Variants in C2CD5 observed in about 807,000 individuals in gnomAD.
C2CD5 encodes the protein C2 domain-containing protein 5.
In C2CD5, 109 loss-of-function variants were observed where a neutral mutation model predicts 130.3. The observed-to-expected ratio is 0.84, with a 90% CI of 0.72 to 0.98. C2CD5 has a LOEUF of 0.98. Ranked by LOEUF, C2CD5 falls within the 50% of genes least tolerant of loss-of-function variation. C2CD5 has a pLI of 0.00. For synonymous variants in C2CD5, 454 were observed against 429.2 expected, an observed-to-expected ratio of 1.06 and a Z score of -0.71; for missense variants, 996 against 1,261.8, an observed-to-expected ratio of 0.79 and a Z score of 3.19.
At chr12:22,543,919 C>G in intron 2 of C2CD5, 142 bp downstream of exon 2, 2 of 642,512 alleles carry the variant, frequency 3.1e-6, no homozygotes, top group African/African-American at 3.7e-5. Flanking sequence ...CGGCGGTCAT[C>G]CCTCGTGGGA....
intron 7 of C2CD5, chr12:22,518,959 A>G (rs998062810): frequency 1.7e-6 from 1 of 573,270 alleles, no homozygotes; most frequent in African/African-American, 1.9e-5. Context: ...TGTGGCAGCT[A>G]AATACAGAAG....
rs142918592 is a variant in C2CD5 at position 22,517,005 on chromosome 12, G to A, written c.952+981C>T. Among the ~76,000 whole-genome samples the A allele has an allele frequency of 1.8e-3, 280 of 151,830 alleles. 1 individual carries two copies. In the East Asian group the frequency reaches 0.028, roughly 15 times the overall value. Reference sequence around the variant, plus strand: ...GTTTATAATTATCTTTATATTTTACGACTTCATTTATAAAAACAGAAATTA... The same window carrying A: ...GTTTATAATTATCTTTATATTTTACAACTTCATTTATAAAAACAGAAATTA... On this transcript the variant is annotated intron_variant, in intron 8 of 26. Transcript: ENST00000446597.
At chr12:22,460,414 T>C (rs772511043) in intron 22 of C2CD5, 7 of 152,166 alleles carry the variant, frequency 4.6e-5, no homozygotes, top group Admixed American at 4.6e-4. Context: ...TAAGTATAGA[T>C]AGATAAATAT....
intron 4 of C2CD5, 128 bp downstream of exon 4, chr12:22,527,593 C>T (rs954168883): frequency 2.3e-5 from 12 of 521,216 alleles, no homozygotes; most frequent in African/African-American, 4.0e-5. Context: ...GCTGGGATTA[C>T]AGGCATGAGC....
At chr12:22,490,836 T>C (rs550567090) in intron 11 of C2CD5, among the ~76,000 whole-genome samples, 4 of 152,294 alleles carry the variant, frequency 2.6e-5, no homozygotes, top group Non-Finnish European at 5.9e-5. Context: ...AACATAATTA[T>C]TGAATGAGAT....
At chr12:22,502,554 A>C (rs1565741523) in intron 10 of C2CD5, among the ~76,000 whole-genome samples, 1 of 152,176 alleles carries the variant, frequency 6.6e-6, no homozygotes, top group Non-Finnish European at 1.5e-5. Flanking sequence ...AATTCATTTT[A>C]GTTAACACAT....
chr12:22,466,145 TATC>T (rs1942033866), intron 22 of C2CD5, among the ~76,000 whole-genome samples: 5 of 152,096 alleles, frequency 3.3e-5, no homozygotes, highest in African/African-American at 1.2e-4. Context: ...ATGAAAGGTT[TATC>T]TACAAGTAAA....
At chr12:22,475,676 T>C (rs1399148397) in intron 15 of C2CD5, among the ~76,000 whole-genome samples, 1 of 152,202 alleles carries the variant, frequency 6.6e-6, no homozygotes, top group Non-Finnish European at 1.5e-5. Context: ...TATATAGTTT[T>C]AAATGTTCAT....
chr12:22,491,878 CAAA>C (rs202192466), intron 11 of C2CD5, among the ~76,000 whole-genome samples: 1 of 134,252 alleles, frequency 7.4e-6, no homozygotes, highest in African/African-American at 2.7e-5. Flanking sequence ...TCTCAAAAAA[CAAA>C]AAAAAAAACG....
chr12:22,474,724 T>A (rs765997197), intron 16 of C2CD5, 27 bp downstream of exon 16: 2 of 1,540,150 alleles, frequency 1.3e-6, no homozygotes, highest in East Asian at 4.7e-5. Flanking sequence ...CCAAAACCTT[T>A]AAGAAATTAG....
chr12:22,537,986 C>T (rs1327856105), intron 2 of C2CD5, among the ~76,000 whole-genome samples: 2 of 152,200 alleles, frequency 1.3e-5, no homozygotes, highest in African/African-American at 4.8e-5. Context: ...GGTCCCTACA[C>T]TCCTGACGTC....
At chr12:22,487,270 C>T (rs1945667069) in intron 12 of C2CD5, among the ~76,000 whole-genome samples, 1 of 152,088 alleles carries the variant, frequency 6.6e-6, no homozygotes, top group Non-Finnish European at 1.5e-5. Context: ...GAACAGGCAA[C>T]CTACAGAATG....
chr12:22,450,985 T>C (rs73261843), intron 26 of C2CD5, among the ~76,000 whole-genome samples: 3,266 of 152,124 alleles, frequency 0.021, 115 homozygotes, highest in African/African-American at 0.074. Flanking sequence ...CTACCACTTA[T>C]ATTAAACTGG....
At chr12:22,469,639 T>C in intron 22 of C2CD5, 70 bp downstream of exon 22, 1 of 843,136 alleles carries the variant, frequency 1.2e-6, no homozygotes, top group Non-Finnish European at 1.8e-6. Flanking sequence ...TAAGATTTCC[T>C]ATAATGAAGA....
chr12:22,460,290 ATATT>A (rs1245557540), intron 22 of C2CD5, among the ~76,000 whole-genome samples: 22 of 152,356 alleles, frequency 1.4e-4, no homozygotes, highest in African/African-American at 5.0e-4. Flanking sequence ...CCACATTAGA[ATATT>A]TAAATTTTTG....
intron 22 of C2CD5, among the ~76,000 whole-genome samples, chr12:22,465,273 AAG>A (rs748879036): frequency 1.3e-5 from 2 of 152,144 alleles, no homozygotes; most frequent in South Asian, 2.1e-4. Context: ...ATTAAAAAAA[AAG>A]AGTCTTCTAT....
At position 22,521,207 on chromosome 12, in the gene C2CD5, CA is replaced by C. The variant is rs565331143; in HGVS notation, c.800+2218del. 1.2e-3 allele frequency among the ~76,000 whole-genome samples: 185 copies of C among 152,142 alleles called. 1 individual carries two copies. Among genetic ancestry groups the C allele is most frequent in the Non-Finnish European group, 2.3e-3 (156 of 67,958 alleles). ...AATAGAACCCAAATTGCTTCATTCT[CA>C]AAAAATACAATGAAGCCAGTTGAAA... On this transcript the variant is annotated intron_variant, in intron 7 of 26. Transcript: ENST00000446597.
At chr12:22,453,875 G>C in intron 26 of C2CD5, 21 bp downstream of exon 26, 1 of 1,606,876 alleles carries the variant, frequency 6.2e-7, no homozygotes, top group South Asian at 1.1e-5. Context: ...CGCCAATCAG[G>C]AATTTTTAAC....
chr12:22,518,234 G>A lies in C2CD5; in HGVS notation c.801-97C>T, dbSNP rs1381375198. ...AACACCAGGAAAGAATTGGGGCAGG[G>A]CCAGCAGTCATTTCTTACGTGTGGA... On this transcript the variant is annotated intron_variant, in intron 7 of 26. Transcript: ENST00000446597. 6.9e-6 allele frequency: 8 copies of A among 1,155,112 alleles called. No homozygotes were observed. The African/African-American group carries it at 7.6e-5, about 11-fold the overall frequency. The allele number at this position is 1,155,112 out of a possible 1,614,324, so 71.6% of individuals were successfully genotyped here. A position where few individuals can be genotyped will look rare whatever the true frequency, so the allele number is the denominator to read the frequency against.
Sources: gnomAD v4.1 joint callset for allele counts (sites outside exome capture counted in the v4.1 genomes callset) on GRCh38, gnomAD v4.1.1 for gene constraint, MANE v1.5 for transcripts, NCBI Gene and HGNC (gene_info 2026-07-23, HGNC 2026-07-21) for gene names.